The following PROM1 variants were observed in gnomAD, a reference collection of about 807,000 sequenced individuals.
PROM1 encodes the protein prominin 1.
Under a neutral mutation model 116.9 loss-of-function variants are expected in PROM1, and 105 were observed. The observed-to-expected ratio is 0.90, with a 90% CI of 0.77 to 1.06. PROM1 has a LOEUF of 1.06. PROM1 is among the 50% of genes least tolerant of loss of function. The pLI is 0.00. For synonymous variants in PROM1, 393 were observed against 387.0 expected (o/e 1.02, Z -0.18); for missense variants, 1,122 against 1,045.2 (o/e 1.07, Z -1.01).
chr4:15,994,200 A>T (rs185327155), intron 15 of PROM1, 129 bp from the exon 16 acceptor site: 1 of 1,493,522 alleles, frequency 6.7e-7, no homozygotes, highest in African/African-American at 1.4e-5. Context: ...GTGGGGCTGC[A>T]TGTCCCCAGT....
intron 2 of PROM1, among the ~76,000 whole-genome samples, chr4:16,067,974 A>G (rs1302083854): frequency 1.3e-5 from 2 of 152,152 alleles, no homozygotes; most frequent in African/African-American, 4.8e-5. Flanking sequence ...ACTCTCCAAG[A>G]AGCTGGCCTG....
intron 8 of PROM1, 71 bp from the exon 9 acceptor site, chr4:16,018,611 G>T: frequency 1.2e-5 from 17 of 1,399,452 alleles, no homozygotes; most frequent in Non-Finnish European, 1.7e-5. Context: ...GTGTCTAAAG[G>T]GACTTGGGAT....
At chr4:15,994,103 G>A in intron 15 of PROM1, 32 bp from the exon 16 acceptor site, 1 of 1,612,968 alleles carries the variant, frequency 6.2e-7, no homozygotes. Context: ...TTAGGACCTA[G>A]AAAAGCTGTT....
intron 8 of PROM1, among the ~76,000 whole-genome samples, chr4:16,023,044 C>T (rs1428820467): frequency 1.3e-5 from 2 of 152,086 alleles, no homozygotes; most frequent in Admixed American, 1.3e-4. Context: ...TAAACAAATG[C>T]GTATGGCTGT....
chr4:16,056,920 C>A (rs1325594576), intron 2 of PROM1, among the ~76,000 whole-genome samples: 1 of 152,192 alleles, frequency 6.6e-6, no homozygotes, highest in African/African-American at 2.4e-5. Flanking sequence ...CAGAAGGGGA[C>A]AGATTTGAAA....
At chr4:16,066,907 C>A (rs116447403) in intron 2 of PROM1, among the ~76,000 whole-genome samples, 1 of 152,054 alleles carries the variant, frequency 6.6e-6, no homozygotes, top group Non-Finnish European at 1.5e-5. Flanking sequence ...GTGCATAGCC[C>A]GCCTCGATTA....
At chr4:16,083,080 T>C (rs1243949653) in intron 1 of PROM1, among the ~76,000 whole-genome samples, 2 of 152,052 alleles carry the variant, frequency 1.3e-5, no homozygotes, top group African/African-American at 4.8e-5. Context: ...CCTCGCTTTG[T>C]ACCCCCATAT....
chr4:16,048,886 G>A (rs954407984), intron 2 of PROM1, among the ~76,000 whole-genome samples: 3 of 152,146 alleles, frequency 2.0e-5, no homozygotes, highest in African/African-American at 7.2e-5. Flanking sequence ...AGCCCAGCCC[G>A]TAACTGGGAA....
chr4:16,020,952 CTTAA>C (rs1216974891), intron 8 of PROM1, among the ~76,000 whole-genome samples: 1 of 152,086 alleles, frequency 6.6e-6, no homozygotes, highest in African/African-American at 2.4e-5. Context: ...CTTAATTTTA[CTTAA>C]TTACCATTTT....
chr4:16,028,642 A>G (rs540530502), intron 5 of PROM1, among the ~76,000 whole-genome samples: 1 of 152,170 alleles, frequency 6.6e-6, no homozygotes, highest in Admixed American at 6.5e-5. Context: ...TTTTTAGCAA[A>G]AAAAAGGTAT....
At chr4:16,077,913 AAGT>A (rs1329636111) in intron 1 of PROM1, among the ~76,000 whole-genome samples, 3 of 152,146 alleles carry the variant, frequency 2.0e-5, no homozygotes, top group Admixed American at 6.5e-5. Context: ...CCCGAATCCA[AAGT>A]AGAAGGGCAT....
intron 13 of PROM1, among the ~76,000 whole-genome samples, chr4:16,000,890 G>A (rs1383068250): frequency 6.6e-6 from 1 of 151,158 alleles, no homozygotes; most frequent in Admixed American, 6.6e-5. Context: ...GGGGCCTGGG[G>A]ACCTGGGGAG....
intron 5 of PROM1, among the ~76,000 whole-genome samples, 195 bp downstream of exon 5, chr4:16,033,109 G>T (rs1483748590): frequency 1.3e-5 from 2 of 152,152 alleles, no homozygotes; most frequent in East Asian, 3.9e-4. Context: ...TCATTACAAC[G>T]CTAATGTCTG....
At chr4:15,999,690 C>T (rs567993148) in intron 14 of PROM1, among the ~76,000 whole-genome samples, 1 of 152,116 alleles carries the variant, frequency 6.6e-6, no homozygotes, top group Non-Finnish European at 1.5e-5. Flanking sequence ...GATCATTTGA[C>T]CTGCTGGTGA....
At chr4:15,971,832 A>T (rs1230060026) in intron 26 of PROM1, 2 of 152,248 alleles carry the variant, frequency 1.3e-5, no homozygotes, top group Admixed American at 1.3e-4. Context: ...CAGGCAAGAC[A>T]TTCCTTCTAA....
intron 12 of PROM1, among the ~76,000 whole-genome samples, chr4:16,008,092 C>G (rs2149244686): frequency 6.6e-6 from 1 of 152,238 alleles, no homozygotes; most frequent in South Asian, 2.1e-4. Context: ...TGAAACTGTC[C>G]CATAAATGGT....
chr4:16,022,825 A>C (rs756148490), intron 8 of PROM1, among the ~76,000 whole-genome samples: 32 of 152,322 alleles, frequency 2.1e-4, no homozygotes, highest in South Asian at 4.1e-4. Flanking sequence ...CTTGCTTCTA[A>C]GTTTCTCTTT....
At chr4:16,081,237 C>T (rs537853464) in intron 1 of PROM1, among the ~76,000 whole-genome samples, 2 of 152,098 alleles carry the variant, frequency 1.3e-5, no homozygotes, top group African/African-American at 2.4e-5. Flanking sequence ...CAACAGGCCC[C>T]GGTGTGTGAT....
chr4:15,982,321 C>T (rs73230225), intron 23 of PROM1, among the ~76,000 whole-genome samples: 11,334 of 152,244 alleles, frequency 0.074, 477 homozygotes, highest in Non-Finnish European at 0.087. Context: ...ACAGAGGTGG[C>T]ACCACCTCTT....
Sources: gnomAD v4.1 joint callset for allele counts (sites outside exome capture counted in the v4.1 genomes callset) on GRCh38, gnomAD v4.1.1 for gene constraint, MANE v1.5 for transcripts, NCBI Gene and HGNC (gene_info 2026-07-23, HGNC 2026-07-21) for gene names.